The following NFIA variants were observed in gnomAD, a reference collection of about 807,000 sequenced individuals.
NFIA encodes the protein nuclear factor 1 A-type.
In NFIA, 8 loss-of-function variants were observed where a neutral mutation model predicts 62.8. That is an observed-to-expected ratio of 0.13 (90% CI 0.07 to 0.23). The LOEUF is 0.23. Ranked by LOEUF, NFIA falls within the 10% of genes least tolerant of loss-of-function variation. The pLI, the probability that NFIA is intolerant of heterozygous loss-of-function variation, is 1.00. For synonymous variants in NFIA, 235 were observed against 238.1 expected, an observed-to-expected ratio of 0.99 and a Z score of 0.12; for missense variants, 410 against 642.1, an observed-to-expected ratio of 0.64 and a Z score of 3.91.
intron 2 of NFIA, among the ~76,000 whole-genome samples, chr1:61,144,189 T>C (rs1409980195): frequency 6.6e-6 from 1 of 152,210 alleles, no homozygotes; most frequent in Non-Finnish European, 1.5e-5. Context: ...GGCATTAGCA[T>C]AACATGGGGA....
At chr1:61,259,144 G>T (rs1656602390) in intron 2 of NFIA, among the ~76,000 whole-genome samples, 1 of 152,080 alleles carries the variant, frequency 6.6e-6, no homozygotes, top group Non-Finnish European at 1.5e-5. Flanking sequence ...TGTCAATTAG[G>T]ATTATTATGA....
chr1:61,383,053 CAG>C (rs1664498808), intron 6 of NFIA, among the ~76,000 whole-genome samples, 182 bp from the exon 7 acceptor site: 1 of 152,196 alleles, frequency 6.6e-6, no homozygotes, highest in Non-Finnish European at 1.5e-5. Context: ...ACCGACTTAT[CAG>C]GGGACTATTC....
At chr1:61,328,802 A>T (rs150706957) in intron 3 of NFIA, among the ~76,000 whole-genome samples, 2 of 143,978 alleles carry the variant, frequency 1.4e-5, no homozygotes, top group African/African-American at 5.3e-5. Flanking sequence ...AGCTCACTGC[A>T]ACCTTTGCCT....
chr1:61,366,227 A>G (rs1036491264), intron 6 of NFIA, among the ~76,000 whole-genome samples: 1 of 152,158 alleles, frequency 6.6e-6, no homozygotes, highest in Non-Finnish European at 1.5e-5. Context: ...GCGTTGCACC[A>G]CTTTCAGATT....
chr1:61,297,881 G>A (rs1659275077), intron 3 of NFIA, among the ~76,000 whole-genome samples: 1 of 152,060 alleles, frequency 6.6e-6, no homozygotes, highest in Admixed American at 6.6e-5. Flanking sequence ...TAGAGAAAGA[G>A]GTTCCAAAAA....
At chr1:61,308,772 A>G (rs1024761630) in intron 3 of NFIA, among the ~76,000 whole-genome samples, 2 of 152,222 alleles carry the variant, frequency 1.3e-5, no homozygotes, top group Non-Finnish European at 2.9e-5. Context: ...TCAGGTACAT[A>G]GTAAGTCTTC....
upstream of NFIA, among the ~76,000 whole-genome samples, chr1:61,081,107 TC>T (rs1646088644): frequency 1.3e-5 from 2 of 152,126 alleles, no homozygotes; most frequent in Non-Finnish European, 2.9e-5. Context: ...CCTACCTCTT[TC>T]CTTTTGGAAT....
At chr1:61,300,102 T>C (rs1659415626) in intron 3 of NFIA, among the ~76,000 whole-genome samples, 1 of 152,068 alleles carries the variant, frequency 6.6e-6, no homozygotes, top group Non-Finnish European at 1.5e-5. Flanking sequence ...AAAAAAAATT[T>C]TTTTAACTTG....
chr1:61,309,171 T>G (rs1659958163), intron 3 of NFIA, among the ~76,000 whole-genome samples: 1 of 152,154 alleles, frequency 6.6e-6, no homozygotes, highest in Admixed American at 6.5e-5. Flanking sequence ...ACTTTGTACG[T>G]TGTAGTAATT....
chr1:61,273,795 G>A (rs182348015), intron 2 of NFIA, among the ~76,000 whole-genome samples: 1 of 152,230 alleles, frequency 6.6e-6, no homozygotes, highest in African/African-American at 2.4e-5. Flanking sequence ...GGACTGGAGA[G>A]GACAAAGTGT....
upstream of NFIA, chr1:61,082,485 G>C (rs1358608662): frequency 9.1e-7 from 1 of 1,104,916 alleles, no homozygotes; most frequent in African/African-American, 1.7e-5. Flanking sequence ...CGGCGCGGGA[G>C]CGGGAAAGGG....
intron 6 of NFIA, among the ~76,000 whole-genome samples, chr1:61,368,690 A>G (rs1274676654): frequency 6.6e-6 from 1 of 152,232 alleles, no homozygotes; most frequent in Non-Finnish European, 1.5e-5. Flanking sequence ...TATTTTTAAT[A>G]TACGCAAAGT....
intron 2 of NFIA, among the ~76,000 whole-genome samples, chr1:61,240,916 G>A (rs542310204): frequency 1.4e-3 from 208 of 151,498 alleles, no homozygotes; most frequent in African/African-American, 4.8e-3. Context: ...AACTGTATAC[G>A]TAACTCTTGA....
chr1:61,123,819 G>C (rs1646926965), intron 2 of NFIA, among the ~76,000 whole-genome samples: 1 of 152,148 alleles, frequency 6.6e-6, no homozygotes, highest in Non-Finnish European at 1.5e-5. Context: ...TACACAAGCT[G>C]TTGCTGGCAT....
chr1:61,103,224 T>C (rs1408223216), intron 2 of NFIA, among the ~76,000 whole-genome samples: 1 of 152,214 alleles, frequency 6.6e-6, no homozygotes, highest in African/African-American at 2.4e-5. Flanking sequence ...TCTTCCTGCC[T>C]GTGTACACAG....
At chr1:61,301,866 G>A (rs940674909) in intron 3 of NFIA, among the ~76,000 whole-genome samples, 1 of 152,180 alleles carries the variant, frequency 6.6e-6, no homozygotes, top group African/African-American at 2.4e-5. Context: ...TTCTGTCTGA[G>A]CCAGGTCACC....
intron 6 of NFIA, among the ~76,000 whole-genome samples, chr1:61,377,857 A>C (rs547864850): frequency 1.3e-5 from 2 of 152,332 alleles, no homozygotes; most frequent in South Asian, 4.1e-4. Context: ...CAAAGTAAGC[A>C]CTAACACTGA....
chr1:61,128,604 A>G (rs1456062423), intron 2 of NFIA, among the ~76,000 whole-genome samples: 2 of 152,184 alleles, frequency 1.3e-5, no homozygotes, highest in African/African-American at 4.8e-5. Context: ...AAACCAAAAA[A>G]GATGACCTTT....
At chr1:61,342,048 A>G (rs1438800640) in intron 4 of NFIA, among the ~76,000 whole-genome samples, 2 of 152,166 alleles carry the variant, frequency 1.3e-5, no homozygotes, top group Non-Finnish European at 2.9e-5. Flanking sequence ...GGTGGAGTCC[A>G]CATTCAGCAA....
Sources: allele counts gnomAD v4.1 joint callset (sites outside exome capture counted in the v4.1 genomes callset), GRCh38; gene constraint gnomAD v4.1.1; transcripts MANE v1.5; gene names NCBI Gene and HGNC (gene_info 2026-07-23, HGNC 2026-07-21).